Variants in VPS13C observed in about 807,000 individuals in gnomAD.
VPS13C encodes the protein vacuolar protein sorting 13 homolog C.
VPS13C carries 358 observed loss-of-function variants against 456.8 expected under a neutral mutation model. That is an observed-to-expected ratio of 0.78 (90% CI 0.72 to 0.86). The LOEUF is 0.86. VPS13C is among the 40% of genes least tolerant of loss of function. The pLI, the probability that VPS13C is intolerant of heterozygous loss-of-function variation, is 0.00. For missense variants in VPS13C, 4,818 were observed against 4,385.4 expected (o/e 1.10, Z -2.79); for synonymous variants, 1,578 against 1,486.7 (o/e 1.06, Z -1.41).
At position 61,938,271 on chromosome 15, in the gene VPS13C, T is replaced by TG. The variant is rs375065145; in HGVS notation, c.5602-1522dup. Among the ~76,000 whole-genome samples the TG allele has an allele frequency of 3.7e-3, 542 of 145,582 alleles. 10 individuals carry two copies. Among genetic ancestry groups the TG allele is most frequent in the African/African-American group, 0.012 (465 of 38,860 alleles). The stretch of plus-strand genomic sequence containing the variant: ...ACCCCTCTTTCACTTTGCTGTGGGG[T>TG]GGGGGGGGAACAAGTATGAAGGACA... On this transcript the variant is annotated intron_variant, in intron 47 of 84. Coordinates refer to ENST00000644861, the MANE Select transcript of VPS13C (RefSeq NM_020821.3).
In VPS13C at chr15:61,945,774, T is replaced by A. The variant is rs2044583649; in HGVS notation, c.5089A>T (p.Ser1697Cys). 2.5e-6 allele frequency: 4 copies of A among 1,610,980 alleles called. No homozygotes were observed. The highest frequency in any genetic ancestry group is 3.4e-6 in the Non-Finnish European group (4 of 1,178,698). Reference sequence around the variant, plus strand: ...ATCTGAATACAACCCACTTTAAAACTAAGTTTGCCGTCTACTTTGGACATA... The same window carrying A: ...ATCTGAATACAACCCACTTTAAAACAAAGTTTGCCGTCTACTTTGGACATA... ...ADMSKVDGKLSFKVGCIQIVY... is the reference protein window; with the variant it reads ...ADMSKVDGKLCFKVGCIQIVY... The change falls in exon 45 of 85, where the codon AGT becomes TGT. Residue 1697 changes from serine to cysteine, a missense_variant. Physicochemically the swap from Ser to Cys is moderately radical, Grantham distance 112. This residue lies in a region of VPS13C where 4,552 missense variants were observed against 4,130.6 expected (regional missense o/e 1.10). Coordinates refer to ENST00000644861, the MANE Select transcript of VPS13C (RefSeq NM_020821.3).
chr15:61,894,210 AG>A (rs1405158292), intron 66 of VPS13C, among the ~76,000 whole-genome samples: 1 of 152,196 alleles, frequency 6.6e-6, no homozygotes, highest in African/African-American at 2.4e-5. Context: ...AGGGAGGCTG[AG>A]GCAGGGGAAT....
At chr15:62,003,696 C>A (rs1355722215) in intron 15 of VPS13C, among the ~76,000 whole-genome samples, 1 of 151,754 alleles carries the variant, frequency 6.6e-6, no homozygotes, top group East Asian at 1.9e-4. Flanking sequence ...TACATCCCAT[C>A]AATACCTAAT....
intron 1 of VPS13C, among the ~76,000 whole-genome samples, chr15:62,055,422 T>TA (rs67060266): frequency 5.3e-5 from 8 of 150,440 alleles, no homozygotes; most frequent in African/African-American, 1.9e-4. Context: ...TTTTTTTTTT[T>TA]AGTGGAGACG....
intron 80 of VPS13C, 149 bp from the exon 81 acceptor site, chr15:61,868,922 G>A (rs1894794602): frequency 1.5e-6 from 1 of 662,734 alleles, no homozygotes; most frequent in African/African-American, 1.9e-5. Flanking sequence ...TTAAAACCAA[G>A]TCTGTCTGAC....
chr15:61,947,061 T>C, intron 43 of VPS13C, 132 bp downstream of exon 43: 1 of 586,446 alleles, frequency 1.7e-6, no homozygotes, highest in South Asian at 2.8e-5. Context: ...AAAGCACATC[T>C]TTGAAAAGTT....
chr15:62,036,398 T>C (rs372378610), intron 3 of VPS13C, among the ~76,000 whole-genome samples: 13 of 152,146 alleles, frequency 8.5e-5, no homozygotes, highest in African/African-American at 3.1e-4. Flanking sequence ...GTCACCTAGA[T>C]GGATATGTAG....
chr15:61,897,713 T>C (rs2042871419), intron 66 of VPS13C, among the ~76,000 whole-genome samples: 1 of 152,040 alleles, frequency 6.6e-6, no homozygotes, highest in Non-Finnish European at 1.5e-5. Flanking sequence ...CCCAATCTAG[T>C]AAGACAGGCC....
chr15:62,036,877 C>T (rs75812366), intron 3 of VPS13C, among the ~76,000 whole-genome samples: 1,664 of 151,536 alleles, frequency 0.011, 41 homozygotes, highest in African/African-American at 0.039. Flanking sequence ...ACAAATATGT[C>T]TAGCTCTTAG....
chr15:61,999,792 G>C (rs1378131266), intron 16 of VPS13C, among the ~76,000 whole-genome samples: 2 of 136,364 alleles, frequency 1.5e-5, no homozygotes, highest in Admixed American at 1.6e-4. Flanking sequence ...ATTTCAGAAA[G>C]AAAGGAAAAA....
chr15:61,917,103 G>T (rs1398148811), intron 60 of VPS13C, among the ~76,000 whole-genome samples: 1 of 152,052 alleles, frequency 6.6e-6, no homozygotes, highest in Non-Finnish European at 1.5e-5. Context: ...CCTGATAATA[G>T]TACCTACATC....
intron 1 of VPS13C, among the ~76,000 whole-genome samples, chr15:62,056,748 C>G (rs892811239): frequency 2.0e-5 from 3 of 152,216 alleles, no homozygotes; most frequent in African/African-American, 7.2e-5. Context: ...GTACACCTGG[C>G]TCTGCCTTCT....
intron 8 of VPS13C, 42 bp from the exon 9 acceptor site, chr15:62,020,580 G>T: frequency 6.3e-7 from 1 of 1,587,758 alleles, no homozygotes; most frequent in Non-Finnish European, 8.6e-7. Flanking sequence ...TGCTGATGGT[G>T]AAGGCGAATC....
intron 38 of VPS13C, among the ~76,000 whole-genome samples, chr15:61,954,115 A>G (rs1409449742): frequency 6.6e-6 from 1 of 152,202 alleles, no homozygotes; most frequent in Non-Finnish European, 1.5e-5. Flanking sequence ...TAACATTTGA[A>G]AAGAATTTAT....
intron 30 of VPS13C, among the ~76,000 whole-genome samples, chr15:61,965,462 A>G (rs1196335106): frequency 1.3e-5 from 2 of 151,904 alleles, no homozygotes; most frequent in Non-Finnish European, 2.9e-5. Flanking sequence ...TGATTTCAAG[A>G]ATGGGTAGTT....
chr15:61,880,785 AG>A (rs1895789016), intron 72 of VPS13C, 57 bp downstream of exon 72: 5 of 1,551,512 alleles, frequency 3.2e-6, no homozygotes, highest in Non-Finnish European at 4.4e-6. Flanking sequence ...TTCGTTCAAA[AG>A]AGGCTGATTT....
At position 61,974,400 on chromosome 15, in the gene VPS13C, C is replaced by A; in HGVS notation, c.2426G>T (p.Gly809Val). The stretch of plus-strand genomic sequence containing the variant: ...AATTCTCACATGCATCAAAGGAAGT[C>A]CTCCTGACACTTTAAATCTAAAAAT... Reference protein sequence around the residue: ...IRMARFKVSGGLPLMHVRISD... With the variant: ...IRMARFKVSGVLPLMHVRISD... Residue 809 changes from glycine (G) to valine (V), a missense_variant, in exon 25 of 85, where the codon GGA becomes GTA. By Grantham distance (109) the Gly-to-Val change is moderately radical. This residue lies in a region of VPS13C where 4,552 missense variants were observed against 4,130.6 expected (regional missense o/e 1.10). Transcript: ENST00000644861. 6.2e-7 allele frequency: 1 copy of A among 1,612,084 alleles called. No homozygotes were observed. The highest frequency in any genetic ancestry group is 1.1e-5 in the South Asian group (1 of 90,972).
At chr15:61,907,603 C>T (rs2043187535) in intron 65 of VPS13C, among the ~76,000 whole-genome samples, 1 of 152,132 alleles carries the variant, frequency 6.6e-6, no homozygotes, top group Non-Finnish European at 1.5e-5. Context: ...TCTGAAGCTT[C>T]AATGCACTCG....
intron 16 of VPS13C, among the ~76,000 whole-genome samples, chr15:61,997,050 G>C (rs966100038): frequency 6.6e-6 from 1 of 150,644 alleles, no homozygotes; most frequent in South Asian, 2.1e-4. Context: ...ATAATCAAGA[G>C]TGCAAAAGAA....
Sources: allele counts gnomAD v4.1 joint callset (sites outside exome capture counted in the v4.1 genomes callset), GRCh38; gene constraint gnomAD v4.1.1; regional missense constraint gnomAD v4.1.1; transcripts MANE v1.5; gene names NCBI Gene and HGNC (gene_info 2026-07-23, HGNC 2026-07-21).